Variants in SDK1 observed in about 807,000 individuals in gnomAD.
The protein encoded by SDK1 is sidekick cell adhesion molecule 1.
A neutral mutation model predicts 245.5 loss-of-function variants in SDK1; 157 were observed. The observed-to-expected ratio is 0.64, with a 90% CI of 0.56 to 0.73. The LOEUF is 0.73. Ranked by LOEUF, SDK1 falls within the 30% of genes least tolerant of loss-of-function variation. The pLI is 0.00. For missense variants in SDK1, 3,583 were observed against 3,002.3 expected, an observed-to-expected ratio of 1.19 and a Z score of -4.52; for synonymous variants, 1,647 against 1,278.5, an observed-to-expected ratio of 1.29 and a Z score of -6.15.
chr7:3,354,761 C>G (rs1228012066), intron 1 of SDK1, among the ~76,000 whole-genome samples: 1 of 152,210 alleles, frequency 6.6e-6, no homozygotes, highest in Non-Finnish European at 1.5e-5. Context: ...CAAATACATC[C>G]TGACGGATAA....
chr7:3,818,774 C>T (rs995185635), intron 4 of SDK1, among the ~76,000 whole-genome samples: 8 of 152,194 alleles, frequency 5.3e-5, no homozygotes, highest in Admixed American at 4.6e-4. Context: ...TTTCCGTTCT[C>T]TCTATTCTGC....
intron 1 of SDK1, 42 bp downstream of exon 1, chr7:3,301,926 G>A: frequency 9.0e-7 from 1 of 1,114,930 alleles, no homozygotes. Flanking sequence ...GTCGCCTCGG[G>A]GCGCGGAGGC....
chr7:3,842,911 C>G (rs1780194021), intron 5 of SDK1, among the ~76,000 whole-genome samples: 1 of 152,144 alleles, frequency 6.6e-6, no homozygotes, highest in African/African-American at 2.4e-5. Context: ...ACAATGGTCT[C>G]TTTAGGAAAG....
intron 22 of SDK1, among the ~76,000 whole-genome samples, chr7:4,089,220 C>G (rs1316275591): frequency 6.6e-6 from 1 of 152,162 alleles, no homozygotes; most frequent in Non-Finnish European, 1.5e-5. Flanking sequence ...GACCCTCCCT[C>G]AAGTGGAGGT....
At chr7:4,215,078 C>T (rs903244082) in intron 38 of SDK1, among the ~76,000 whole-genome samples, 54 of 152,244 alleles carry the variant, frequency 3.5e-4, no homozygotes, top group African/African-American at 1.3e-3. Flanking sequence ...GCTCGCCTGC[C>T]TCCCCTGATG....
intron 14 of SDK1, among the ~76,000 whole-genome samples, chr7:4,005,218 TG>T (rs1785379270): frequency 1.3e-5 from 2 of 151,732 alleles, no homozygotes; most frequent in African/African-American, 4.8e-5. Flanking sequence ...GCTAATTTTT[TG>T]TATTTTTAGT....
At chr7:3,939,477 C>G (rs1467356662) in intron 5 of SDK1, among the ~76,000 whole-genome samples, 1 of 151,950 alleles carries the variant, frequency 6.6e-6, no homozygotes, top group Non-Finnish European at 1.5e-5. Context: ...TTGTTTTTTT[C>G]TTGTTAGAAA....
chr7:3,575,824 A>G (rs772671802), intron 1 of SDK1, among the ~76,000 whole-genome samples: 2 of 152,018 alleles, frequency 1.3e-5, no homozygotes, highest in Non-Finnish European at 2.9e-5. Flanking sequence ...TTGTCTTGTT[A>G]CAAACCAGGA....
At chr7:3,726,962 A>G (rs921833312) in intron 4 of SDK1, among the ~76,000 whole-genome samples, 1 of 152,246 alleles carries the variant, frequency 6.6e-6, no homozygotes, top group African/African-American at 2.4e-5. Context: ...CATTTATTGC[A>G]TACTAATCAA....
intron 22 of SDK1, among the ~76,000 whole-genome samples, chr7:4,106,180 G>A (rs1782889939): frequency 6.6e-6 from 1 of 152,188 alleles, no homozygotes; most frequent in African/African-American, 2.4e-5. Flanking sequence ...GGCAGGTGAG[G>A]GGGTCATCTC....
Position 3,460,079 on chromosome 7 carries a change from C to T in SDK1, c.298+158195C>T, listed in dbSNP as rs555363693. 1.2e-3 allele frequency among the ~76,000 whole-genome samples: 179 copies of T among 152,214 alleles called. 1 individual carries two copies. The highest frequency in any genetic ancestry group is 2.6e-3 in the Admixed American group (40 of 15,286). On this transcript the variant is annotated intron_variant, in intron 1 of 44. Transcript: ENST00000404826. ...TTTTATTGTTTATTAAGATATATTT[C>T]AAAGTGGTATAATAAATGACATTAT...
intron 1 of SDK1, among the ~76,000 whole-genome samples, chr7:3,610,016 A>G (rs1024284956): frequency 2.0e-5 from 3 of 152,182 alleles, no homozygotes; most frequent in Admixed American, 1.3e-4. Flanking sequence ...CTGGGATTTG[A>G]ACCCAGGGCT....
intron 1 of SDK1, among the ~76,000 whole-genome samples, chr7:3,569,229 G>C (rs1780027713): frequency 6.6e-6 from 1 of 151,934 alleles, no homozygotes; most frequent in South Asian, 2.1e-4. Flanking sequence ...GAAAAACAAG[G>C]AAAAACAGAA....
intron 35 of SDK1, among the ~76,000 whole-genome samples, chr7:4,200,220 T>C (rs10236838): frequency 0.36 from 55,138 of 151,750 alleles, 10,529 homozygotes; most frequent in Middle Eastern, 0.49. Context: ...TTATCACCTG[T>C]ACACCCACAC....
At chr7:4,059,735 C>T (rs994241383) in intron 19 of SDK1, among the ~76,000 whole-genome samples, 11 of 151,910 alleles carry the variant, frequency 7.2e-5, no homozygotes, top group Admixed American at 2.6e-4. Flanking sequence ...AAAATTCGAT[C>T]GATATCTTCT....
At chr7:3,801,887 C>T (rs1031594825) in intron 4 of SDK1, among the ~76,000 whole-genome samples, 2 of 152,210 alleles carry the variant, frequency 1.3e-5, no homozygotes, top group Non-Finnish European at 2.9e-5. Context: ...TCCCTGAAAA[C>T]TCCAGTGAGA....
intron 32 of SDK1, among the ~76,000 whole-genome samples, chr7:4,165,714 C>A (rs928228897): frequency 1.3e-5 from 2 of 151,888 alleles, no homozygotes; most frequent in Non-Finnish European, 2.9e-5. Context: ...GGTCTCAAAC[C>A]CCTGACCTCA....
At chr7:4,032,761 A>G (rs1787920170) in intron 17 of SDK1, among the ~76,000 whole-genome samples, 1 of 152,238 alleles carries the variant, frequency 6.6e-6, no homozygotes, top group Non-Finnish European at 1.5e-5. Flanking sequence ...AAAGCTGGGG[A>G]TAAACTTAAG....
chr7:3,550,407 T>C (rs890466396), intron 1 of SDK1, among the ~76,000 whole-genome samples: 1 of 152,212 alleles, frequency 6.6e-6, no homozygotes, highest in African/African-American at 2.4e-5. Context: ...GAACTATGTG[T>C]ATTAGACAAG....
Sources: gnomAD v4.1 joint callset for allele counts (sites outside exome capture counted in the v4.1 genomes callset) on GRCh38, gnomAD v4.1.1 for gene constraint, MANE v1.5 for transcripts, NCBI Gene and HGNC (gene_info 2026-07-23, HGNC 2026-07-21) for gene names.